The following NTN1 variants were observed in gnomAD, a reference collection of about 807,000 sequenced individuals.
NTN1 encodes netrin 1.
In NTN1, 11 loss-of-function variants were observed where a neutral mutation model predicts 54.2. The ratio of observed to expected loss-of-function variants is 0.20; its 90% CI spans 0.13 to 0.34. NTN1 has a LOEUF of 0.34. NTN1 is among the 10% of genes least tolerant of loss of function. The pLI is 1.00. For synonymous variants in NTN1, 371 were observed against 382.0 expected, an observed-to-expected ratio of 0.97 and a Z score of 0.33; for missense variants, 740 against 893.1, an observed-to-expected ratio of 0.83 and a Z score of 2.18.
At chr17:9,206,865 G>A (rs1261952826) in intron 5 of NTN1, among the ~76,000 whole-genome samples, 1 of 152,292 alleles carries the variant, frequency 6.6e-6, no homozygotes, top group Non-Finnish European at 1.5e-5. Context: ...CCCCAGGCAC[G>A]GAGCCACACT....
chr17:9,088,518 A>G (rs1454058510), intron 2 of NTN1, among the ~76,000 whole-genome samples: 3 of 152,034 alleles, frequency 2.0e-5, no homozygotes, highest in East Asian at 3.9e-4. Context: ...CTAGCACCCC[A>G]ATGACACACA....
intron 3 of NTN1, chr17:9,175,371 A>G (rs2092397324): frequency 6.6e-6 from 1 of 152,234 alleles, no homozygotes; most frequent in Admixed American, 6.5e-5. Context: ...TGGTGCAGGC[A>G]GGGCCAGCAG....
chr17:9,117,364 T>C (rs1035014615), intron 2 of NTN1, among the ~76,000 whole-genome samples: 3 of 152,012 alleles, frequency 2.0e-5, no homozygotes, highest in African/African-American at 7.3e-5. Flanking sequence ...ATGACACCAG[T>C]AGTTGGGCTT....
intron 2 of NTN1, among the ~76,000 whole-genome samples, chr17:9,036,835 A>T (rs1597465496): frequency 1.3e-5 from 2 of 152,054 alleles, no homozygotes; most frequent in East Asian, 1.9e-4. Context: ...TTCCAACCCT[A>T]CCCCTCCACT....
chr17:9,154,281 G>A (rs780882469), intron 2 of NTN1, among the ~76,000 whole-genome samples: 13 of 152,240 alleles, frequency 8.5e-5, no homozygotes, highest in Admixed American at 2.6e-4. Flanking sequence ...TCACTGTGAC[G>A]TCCCCAGCAC....
chr17:9,219,597 C>T lies in NTN1; in HGVS notation c.1412-1571C>T, dbSNP rs1247069391. On this transcript the variant is annotated intron_variant, in intron 5 of 6. Coordinates refer to ENST00000173229, the MANE Select transcript of NTN1 (RefSeq NM_004822.3). This position sits in a 1 kb window ranked among gnomAD's most constrained non-coding sequence, Gnocchi z 4.5. ...CACCAGTCAATGTATCTCAGGACCT[C>T]GATGGAGGCAGTGGCCTTCACAGGC... Among the ~76,000 whole-genome samples, 2 of 152,196 alleles carry T rather than the reference C, an allele frequency of 1.3e-5. No individual in the cohort carries two copies. The highest frequency in any genetic ancestry group is 1.3e-4 in the Admixed American group (2 of 15,284).
At chr17:9,133,556 T>C (rs2092271986) in intron 2 of NTN1, among the ~76,000 whole-genome samples, 1 of 151,808 alleles carries the variant, frequency 6.6e-6, no homozygotes, top group African/African-American at 2.4e-5. Flanking sequence ...GGCCGTGGTC[T>C]TCCATTCTGT....
At chr17:9,032,249 G>C (rs1027232399) in intron 2 of NTN1, among the ~76,000 whole-genome samples, 4 of 152,228 alleles carry the variant, frequency 2.6e-5, no homozygotes, top group Admixed American at 2.6e-4. Flanking sequence ...TGCTGCATTG[G>C]TTCTGTTGTA....
chr17:9,112,694 A>G (rs1267390745), intron 2 of NTN1, among the ~76,000 whole-genome samples: 8 of 151,748 alleles, frequency 5.3e-5, no homozygotes, highest in South Asian at 2.1e-4. Flanking sequence ...GCGTGGTGGC[A>G]GGCGCCTGTA....
intron 2 of NTN1, among the ~76,000 whole-genome samples, chr17:9,067,945 G>A (rs1241749539): frequency 6.6e-6 from 1 of 152,158 alleles, no homozygotes; most frequent in Non-Finnish European, 1.5e-5. Context: ...CATAAACCGG[G>A]CATGCTGGTG....
chr17:9,126,280 G>A lies in NTN1; in HGVS notation c.1019-36533G>A, dbSNP rs111563681. Among the ~76,000 whole-genome samples the A allele has an allele frequency of 7.9e-5, 12 of 152,310 alleles. 2 individuals are homozygous for A. Among genetic ancestry groups the A allele is most frequent in the African/African-American group, 2.4e-4 (10 of 41,568 alleles). ...TCCCAGCACTTTGGGAGGCCAAGGC[G>A]GGTAGATCACCTGAGGTCAGGAGTT... On this transcript the variant is annotated intron_variant, in intron 2 of 6. Coordinates refer to ENST00000173229, the MANE Select transcript of NTN1 (RefSeq NM_004822.3).
chr17:9,030,603 G>A (rs1454377656), intron 2 of NTN1, among the ~76,000 whole-genome samples: 1 of 152,106 alleles, frequency 6.6e-6, no homozygotes, highest in East Asian at 1.9e-4. Flanking sequence ...AAATTAGTCA[G>A]GCGTGGTGGC....
chr17:9,162,901 C>T lies in NTN1; in HGVS notation c.1107C>T (p.Leu369=). 1 of 1,613,806 alleles carries T rather than the reference C, an allele frequency of 6.2e-7. No homozygotes were observed. The highest frequency in any genetic ancestry group is 1.3e-5 in the African/African-American group (1 of 75,046). The part of the protein sequence containing the change: ...LSGRKSGGVC[L]NCRHNTAGRH... ...GGCGCAAGAGCGGAGGTGTCTGCCTCAACTGTCGCCACAACACCGCCGGCC... is the reference window on the plus strand; with the variant it reads ...GGCGCAAGAGCGGAGGTGTCTGCCTTAACTGTCGCCACAACACCGCCGGCC... Residue 369 remains leucine, a synonymous_variant, in exon 3 of 7, where the codon CTC becomes CTT. Coordinates refer to ENST00000173229, the MANE Select transcript of NTN1 (RefSeq NM_004822.3).
chr17:9,037,030 T>C (rs2091905707), intron 2 of NTN1, among the ~76,000 whole-genome samples: 1 of 152,206 alleles, frequency 6.6e-6, no homozygotes, highest in African/African-American at 2.4e-5. Context: ...CTTTAAATCA[T>C]GAGTGTTCAG....
chr17:9,042,518 G>A (rs2091925732), intron 2 of NTN1, among the ~76,000 whole-genome samples: 1 of 151,400 alleles, frequency 6.6e-6, no homozygotes, highest in Non-Finnish European at 1.5e-5. Context: ...GGCTGGCGCG[G>A]TGGCTCACGC....
chr17:9,023,000 C>G lies in NTN1; in HGVS notation c.627C>G (p.Asp209Glu). 6.2e-7 allele frequency: 1 copy of G among 1,608,730 alleles called. No homozygotes were observed. The highest frequency in any genetic ancestry group is 8.5e-7 in the Non-Finnish European group (1 of 1,178,478). ...QEAVCTDSHT[D>E]MRPLSGGLIA... ...CCGTGTGCACCGACTCGCACACCGA[C>G]ATGCGCCCGCTCTCGGGCGGCCTCA... The change falls in exon 2 of 7, where the codon GAC becomes GAG. Residue 209 changes from aspartate (D) to glutamate (E), a missense_variant. Transcript: ENST00000173229.
chr17:9,159,842 T>C (rs1310598137), intron 2 of NTN1, among the ~76,000 whole-genome samples: 6 of 152,048 alleles, frequency 3.9e-5, no homozygotes, highest in African/African-American at 1.2e-4. Flanking sequence ...TATAAAAACA[T>C]GTAGGTTCAA....
At chr17:9,057,383 C>G (rs948899509) in intron 2 of NTN1, among the ~76,000 whole-genome samples, 2 of 152,152 alleles carry the variant, frequency 1.3e-5, no homozygotes, top group Admixed American at 1.3e-4. Context: ...TGATTGCACA[C>G]AGATCCTGTG....
intron 6 of NTN1, among the ~76,000 whole-genome samples, chr17:9,237,270 G>A (rs759806256): frequency 2.6e-5 from 4 of 152,094 alleles, no homozygotes; most frequent in African/African-American, 4.8e-5. Context: ...CCACCTTCTC[G>A]TGTCCTTACA....
Sources: gnomAD v4.1 joint callset for allele counts (sites outside exome capture counted in the v4.1 genomes callset) on GRCh38, gnomAD v4.1.1 for gene constraint, Gnocchi (gnomAD v3.1) non-coding constraint, MANE v1.5 for transcripts, NCBI Gene and HGNC (gene_info 2026-07-23, HGNC 2026-07-21) for gene names.